Variants in CXXC5 observed in about 807,000 individuals in gnomAD.
CXXC5 encodes the protein CXXC finger protein 5.
Under a neutral mutation model 17.6 loss-of-function variants are expected in CXXC5, and 2 were observed. That is an observed-to-expected ratio of 0.11 (90% CI 0.05 to 0.36). The LOEUF (loss-of-function observed/expected upper bound fraction) is 0.36, where lower values mean the gene tolerates loss of function less well. Ranked by LOEUF, CXXC5 falls within the 10% of genes least tolerant of loss-of-function variation. The pLI is 1.00. For synonymous variants in CXXC5, 171 were observed against 193.0 expected, an observed-to-expected ratio of 0.89 and a Z score of 0.94; for missense variants, 343 against 458.3, an observed-to-expected ratio of 0.75 and a Z score of 2.30.
Position 139,681,866 on chromosome 5 carries a change from C to A in CXXC5, c.924+419C>A, listed in dbSNP as rs901543157. 2.0e-5 allele frequency among the ~76,000 whole-genome samples: 3 copies of A among 152,216 alleles called. No homozygotes were observed. In the East Asian group the frequency reaches 5.8e-4, roughly 29 times the overall value. On this transcript the variant is annotated intron_variant, in intron 2 of 2. Transcript: ENST00000302517. Reference sequence around the variant, plus strand: ...GCCCTGTTTAAGGGATTCTGTTTCACGGGCCCTGTGCCCTTAAGCCCTTCA... The same window carrying A: ...GCCCTGTTTAAGGGATTCTGTTTCAAGGGCCCTGTGCCCTTAAGCCCTTCA...
In CXXC5 at chr5:139,670,661, A is replaced by G. The variant is rs1756415665; in HGVS notation, c.-160-9703A>G. ...TCCACAAACATCCTCTCACCACGTAAACCACCCTATTCGCACACACGTGCA... is the reference window on the plus strand; with the variant it reads ...TCCACAAACATCCTCTCACCACGTAGACCACCCTATTCGCACACACGTGCA... On this transcript the variant is annotated intron_variant, in intron 1 of 2. Transcript: ENST00000302517. The surrounding 1 kb of genome is among the most constrained non-coding windows in gnomAD (Gnocchi z 4.2). 6.6e-6 allele frequency among the ~76,000 whole-genome samples: 1 copy of G among 152,222 alleles called. No homozygotes were observed. Among genetic ancestry groups the G allele is most frequent in the South Asian group, 2.1e-4 (1 of 4,834 alleles).
chr5:139,662,905 G>C (rs1161662000), intron 1 of CXXC5, among the ~76,000 whole-genome samples: 1 of 152,228 alleles, frequency 6.6e-6, no homozygotes, highest in East Asian at 1.9e-4. Context: ...ACCTGAAGTA[G>C]ATGGTGGGGT....
chr5:139,660,395 T>A (rs1344414121), intron 1 of CXXC5, among the ~76,000 whole-genome samples: 1 of 151,930 alleles, frequency 6.6e-6, no homozygotes, highest in Non-Finnish European at 1.5e-5. Flanking sequence ...CCAGGGCAGA[T>A]TGGAGGAGCC....
intron 1 of CXXC5, among the ~76,000 whole-genome samples, chr5:139,662,396 C>T (rs1755868899): frequency 6.6e-6 from 1 of 152,126 alleles, no homozygotes; most frequent in African/African-American, 2.4e-5. Context: ...GCCTTCCTTG[C>T]ACTGGGCAGA....
rs542547689 is a variant in CXXC5, at chr5:139,657,032, A to G, written c.-161+8187A>G. On this transcript the variant is annotated intron_variant, in intron 1 of 2. Coordinates refer to ENST00000302517, the MANE Select transcript of CXXC5 (RefSeq NM_016463.9). ...GAGCCACCACCCCCGGCCAACTGCT[A>G]TTGTTGTAATAGATTGTAACAAAGC... Among the ~76,000 whole-genome samples, 44 of 152,312 alleles carry G rather than the reference A, an allele frequency of 2.9e-4. 2 individuals are homozygous for G. The highest frequency in any genetic ancestry group is 3.4e-3 in the Middle Eastern group (1 of 294).
intron 1 of CXXC5, among the ~76,000 whole-genome samples, chr5:139,650,123 TG>T (rs1358382252): frequency 6.6e-6 from 1 of 152,248 alleles, no homozygotes; most frequent in East Asian, 1.9e-4. Context: ...TGCGCGGAGT[TG>T]GGCTGGTGCC....
intron 1 of CXXC5, among the ~76,000 whole-genome samples, chr5:139,678,262 A>G (rs1170327772): frequency 6.6e-6 from 1 of 152,222 alleles, no homozygotes; most frequent in Non-Finnish European, 1.5e-5. Context: ...AAGGGTCACC[A>G]GTCTCTGAGG....
rs1757183046 is a variant in CXXC5 at position 139,681,007 on chromosome 5, C to T, written c.484C>T (p.Leu162=). The change falls in exon 2 of 3, where the codon CTG becomes TTG. Residue 162 remains leucine (L), a synonymous_variant. Coordinates refer to ENST00000302517, the MANE Select transcript of CXXC5 (RefSeq NM_016463.9). ...GCTGGCAGCCGAGGGACAGCTGACGCTGCAGCAGTTTGCGCAGTCCACAGA... is the reference window on the plus strand; with the variant it reads ...GCTGGCAGCCGAGGGACAGCTGACGTTGCAGCAGTTTGCGCAGTCCACAGA... The part of the protein sequence containing the change: ...TELAAEGQLT[L]QQFAQSTEML... 6.2e-7 allele frequency: 1 copy of T among 1,605,750 alleles called. No individual in the cohort carries two copies. The highest frequency in any genetic ancestry group is 1.7e-5 in the Admixed American group (1 of 60,028).
At chr5:139,647,816 T>C (rs559975328), upstream of CXXC5, 7 of 152,120 alleles carry the variant, frequency 4.6e-5, no homozygotes, top group African/African-American at 1.4e-4. Flanking sequence ...TAGTGCCCAC[T>C]GAATCCATTA....
intron 2 of CXXC5, among the ~76,000 whole-genome samples, chr5:139,682,538 G>A (rs567497084): frequency 2.0e-5 from 3 of 152,278 alleles, no homozygotes; most frequent in East Asian, 1.9e-4. Context: ...CCCGTCGCAC[G>A]TGCTCACACG....
chr5:139,677,010 C>T (rs547304558), intron 1 of CXXC5, among the ~76,000 whole-genome samples: 17 of 151,680 alleles, frequency 1.1e-4, no homozygotes, highest in African/African-American at 3.6e-4. Flanking sequence ...TGTCCCCGCC[C>T]GTCAGCCCCT....
intron 2 of CXXC5, among the ~76,000 whole-genome samples, 195 bp from the exon 3 acceptor site, chr5:139,682,668 G>A (rs572022794): frequency 3.3e-5 from 5 of 152,294 alleles, no homozygotes; most frequent in East Asian, 3.9e-4. Context: ...CAGAGTCCTC[G>A]GGGCCTTCCA....
chr5:139,650,468 G>GC (rs1235438743), intron 1 of CXXC5, among the ~76,000 whole-genome samples: 2 of 152,186 alleles, frequency 1.3e-5, no homozygotes, highest in East Asian at 3.9e-4. Context: ...CTCGGCCCTC[G>GC]CCCCCGCCGG....
intron 1 of CXXC5, among the ~76,000 whole-genome samples, chr5:139,660,719 TG>T (rs35832706): frequency 6.9e-5 from 6 of 87,142 alleles, no homozygotes; most frequent in Non-Finnish European, 1.3e-4. Context: ...TTGGTGAACA[TG>T]GGGGGGTTTG....
rs760699220 is a variant in CXXC5, at chr5:139,682,918, A to T, written c.*11A>T. The T allele has an allele frequency of 6.3e-7, 1 of 1,586,580 alleles. No homozygotes were observed. Reference sequence around the variant, plus strand: ...CGGTGGTTTCAGTGACGGCGGCGGAACCCAAAGCTGCCCTCTCCGTGCAAT... The same window carrying T: ...CGGTGGTTTCAGTGACGGCGGCGGATCCCAAAGCTGCCCTCTCCGTGCAAT... On this transcript the variant is annotated 3_prime_UTR_variant, in exon 3 of 3. Coordinates refer to ENST00000302517, the MANE Select transcript of CXXC5 (RefSeq NM_016463.9).
chr5:139,671,329 G>A (rs920952303), intron 1 of CXXC5, among the ~76,000 whole-genome samples: 2 of 152,222 alleles, frequency 1.3e-5, no homozygotes, highest in African/African-American at 4.8e-5. Flanking sequence ...AAATGTTGGA[G>A]GAATGGGGTG....
chr5:139,647,494 G>A (rs1327923535), upstream of CXXC5: 1 of 152,282 alleles, frequency 6.6e-6, no homozygotes. Context: ...TGGGCATATG[G>A]AGGCCACTGA....
chr5:139,683,656 C>A lies in CXXC5; in HGVS notation c.*749C>A, dbSNP rs1421686398. The A allele has an allele frequency of 6.6e-6, 1 of 152,554 alleles. No homozygotes were observed. Among genetic ancestry groups the A allele is most frequent in the Non-Finnish European group, 1.5e-5 (1 of 68,028 alleles). 9.5% of individuals were successfully genotyped at this position (152,554 alleles called of 1,614,324 possible). A position where few individuals can be genotyped will look rare whatever the true frequency, so the allele number is the denominator to read the frequency against. ...ATCTCGATATTTCCAATCCTGGCTA[C>A]TTTTCTTAGAGAAAATAAGTCCTTT... On this transcript the variant is annotated 3_prime_UTR_variant, in exon 3 of 3. Coordinates refer to ENST00000302517, the MANE Select transcript of CXXC5 (RefSeq NM_016463.9).
intron 1 of CXXC5, among the ~76,000 whole-genome samples, chr5:139,677,793 C>T (rs1436752243): frequency 1.3e-5 from 2 of 152,230 alleles, no homozygotes; most frequent in Non-Finnish European, 2.9e-5. Context: ...GTTTGGTCCC[C>T]ACCAGGAGAG....
Sources: gnomAD v4.1 joint callset for allele counts (sites outside exome capture counted in the v4.1 genomes callset) on GRCh38, gnomAD v4.1.1 for gene constraint, Gnocchi (gnomAD v3.1) non-coding constraint, MANE v1.5 for transcripts, NCBI Gene and HGNC (gene_info 2026-07-23, HGNC 2026-07-21) for gene names.